The following LRRC37A2 variants were observed in gnomAD, a reference collection of about 807,000 sequenced individuals.
LRRC37A2 encodes the protein leucine rich repeat containing 37 member A2.
In LRRC37A2, 9 loss-of-function variants were observed where a neutral mutation model predicts 68.8. The ratio of observed to expected loss-of-function variants is 0.13; its 90% confidence interval spans 0.08 to 0.23. The LOEUF (loss-of-function observed/expected upper bound fraction) is 0.23. Ranked by LOEUF, LRRC37A2 falls within the 10% of genes least tolerant of loss-of-function variation. The pLI is 1.00. For synonymous variants in LRRC37A2, 63 were observed against 367.6 expected (o/e 0.17, Z 9.48); for missense variants, 168 against 950.4 (o/e 0.18, Z 10.82).
chr17:46,712,584 A>C, the LRRC37A2 span, among the ~76,000 whole-genome samples: 1 of 152,222 alleles, frequency 6.6e-6, no homozygotes, highest in African/African-American at 2.4e-5. Context: ...TAGGAGAAGT[A>C]AATCGGAAAT....
the LRRC37A2 span, chr17:47,018,686 T>C: frequency 2.0e-6 from 3 of 1,520,404 alleles, no homozygotes; most frequent in South Asian, 2.2e-5. Context: ...AGCAGGAGGC[T>C]GCAGCTGAGC....
the LRRC37A2 span, among the ~76,000 whole-genome samples, chr17:46,777,005 C>A: frequency 1.3e-5 from 2 of 152,126 alleles, no homozygotes; most frequent in Non-Finnish European, 2.9e-5. Flanking sequence ...GCAGCAGAAC[C>A]CACAGGAGGA....
chr17:46,836,095 CGTGTGTGTGT>C, the LRRC37A2 span, among the ~76,000 whole-genome samples: 56 of 126,502 alleles, frequency 4.4e-4, no homozygotes, highest in South Asian at 1.6e-3. Context: ...GAGACGCTGA[CGTGTGTGTGT>C]GTGTGTGTGT....
chr17:46,871,551 T>C, the LRRC37A2 span, among the ~76,000 whole-genome samples: 2 of 152,202 alleles, frequency 1.3e-5, no homozygotes, highest in Admixed American at 6.5e-5. Flanking sequence ...AAGCTCCAGC[T>C]AGCAGGAAGG....
At chr17:46,947,950 A>G in the LRRC37A2 span, among the ~76,000 whole-genome samples, 1 of 152,028 alleles carries the variant, frequency 6.6e-6, no homozygotes, top group African/African-American at 2.4e-5. Context: ...TCGTGTTTTT[A>G]CTAGAGACAG....
the LRRC37A2 span, among the ~76,000 whole-genome samples, chr17:46,907,832 G>A: frequency 6.6e-6 from 1 of 151,702 alleles, no homozygotes; most frequent in Non-Finnish European, 1.5e-5. Flanking sequence ...CTCCAGCTTG[G>A]GAGACAGAGT....
chr17:46,695,171 A>G, the LRRC37A2 span, among the ~76,000 whole-genome samples: 2 of 114,612 alleles, frequency 1.7e-5, no homozygotes, highest in Non-Finnish European at 3.5e-5. Flanking sequence ...GTGTGAACCC[A>G]GGAGGCAGAG....
chr17:46,923,230 C>T, the LRRC37A2 span: 7 of 1,550,682 alleles, frequency 4.5e-6, no homozygotes, highest in African/African-American at 9.6e-5. Flanking sequence ...AAGTGAGGGC[C>T]GGTCGGGGAG....
chr17:46,914,650 CAAAAAA>C, the LRRC37A2 span, among the ~76,000 whole-genome samples: 18 of 72,512 alleles, frequency 2.5e-4, no homozygotes, highest in East Asian at 8.6e-4. Context: ...GACTCCACCT[CAAAAAA>C]AAAAAAAAAA....
chr17:46,757,147 C>T, the LRRC37A2 span: 2 of 152,234 alleles, frequency 1.3e-5, no homozygotes, highest in Admixed American at 1.3e-4. Flanking sequence ...CAGATCATCT[C>T]CAAATCTTGC....
At chr17:46,708,544 T>C in the LRRC37A2 span, among the ~76,000 whole-genome samples, 1 of 144,740 alleles carries the variant, frequency 6.9e-6, no homozygotes, top group East Asian at 2.0e-4. Flanking sequence ...CAGGCTGGAG[T>C]GCAGTGGCAC....
At chr17:46,978,188 T>A in the LRRC37A2 span, 9 of 178,840 alleles carry the variant, frequency 5.0e-5, no homozygotes, top group Non-Finnish European at 2.3e-5. Flanking sequence ...CGGCTGCAGT[T>A]TTATTACAAG....
chr17:46,961,137 G>A, the LRRC37A2 span, among the ~76,000 whole-genome samples: 4 of 152,092 alleles, frequency 2.6e-5, no homozygotes, highest in Non-Finnish European at 5.9e-5. Context: ...GAGGATAAAG[G>A]TAAAGATATT....
At chr17:46,828,624 G>C in the LRRC37A2 span, among the ~76,000 whole-genome samples, 1 of 152,108 alleles carries the variant, frequency 6.6e-6, no homozygotes, top group Non-Finnish European at 1.5e-5. Context: ...CAAAAGGGAG[G>C]GTGTAGGGTT....
At chr17:46,828,046 A>G in the LRRC37A2 span, among the ~76,000 whole-genome samples, 5 of 151,718 alleles carry the variant, frequency 3.3e-5, no homozygotes, top group Non-Finnish European at 7.4e-5. Context: ...CGCTGACCTC[A>G]TGATCCGCCG....
chr17:46,611,807 A>AT, the LRRC37A2 span, among the ~76,000 whole-genome samples: 1 of 139,112 alleles, frequency 7.2e-6, no homozygotes, highest in East Asian at 2.1e-4. Flanking sequence ...TTAAATGGTG[A>AT]TTTTTAAAGA....
chr17:46,923,187 G>A, the LRRC37A2 span: 6 of 1,541,876 alleles, frequency 3.9e-6, no homozygotes, highest in Non-Finnish European at 5.3e-6. Flanking sequence ...CTGCGGGGCC[G>A]GCGACATGGA....
chr17:46,529,464 A>G (rs571653410), intron 6 of LRRC37A2, among the ~76,000 whole-genome samples: 27 of 107,144 alleles, frequency 2.5e-4, no homozygotes, highest in African/African-American at 8.0e-4. Flanking sequence ...TTTAATGTAT[A>G]AAATGAAGGA....
the LRRC37A2 span, among the ~76,000 whole-genome samples, chr17:46,691,912 C>A: frequency 6.6e-6 from 1 of 151,160 alleles, no homozygotes; most frequent in Non-Finnish European, 1.5e-5. Context: ...GCCACCACAC[C>A]CAGCTAATTT....
Sources: allele counts gnomAD v4.1 joint callset (sites outside exome capture counted in the v4.1 genomes callset), GRCh38; gene constraint gnomAD v4.1.1; transcripts MANE v1.5; gene names NCBI Gene and HGNC (gene_info 2026-07-23, HGNC 2026-07-21).